DHX35: variants seen among roughly 807,000 people sequenced by gnomAD.
The protein encoded by DHX35 is DEAH-box helicase 35.
DHX35 carries 84 observed loss-of-function variants against 99.6 expected under a neutral mutation model. The observed-to-expected ratio is 0.84, with a 90% CI of 0.71 to 1.01. DHX35 has a LOEUF of 1.01. DHX35 is among the 50% of genes least tolerant of loss of function. The pLI, the probability that DHX35 is intolerant of heterozygous loss-of-function variation, is 0.00. For missense variants in DHX35, 852 were observed against 888.5 expected (o/e 0.96, Z 0.52); for synonymous variants, 331 against 316.2 (o/e 1.05, Z -0.50).
At chr20:38,964,592 A>AG (rs1247275918) in intron 1 of DHX35, among the ~76,000 whole-genome samples, 2 of 152,034 alleles carry the variant, frequency 1.3e-5, no homozygotes, top group Admixed American at 1.3e-4. Flanking sequence ...CACCACACCT[A>AG]GCTAATTTTT....
At chr20:38,968,121 C>G (rs1427356955) in intron 1 of DHX35, among the ~76,000 whole-genome samples, 2 of 152,168 alleles carry the variant, frequency 1.3e-5, no homozygotes, top group Non-Finnish European at 2.9e-5. Context: ...GTTTCTAGTG[C>G]TTAGAGTGGT....
At chr20:38,971,175 A>G (rs59337378) in intron 2 of DHX35, among the ~76,000 whole-genome samples, 3,149 of 152,252 alleles carry the variant, frequency 0.021, 116 homozygotes, top group African/African-American at 0.072. Flanking sequence ...AAACATGGTG[A>G]AACCCCATCT....
intron 8 of DHX35, among the ~76,000 whole-genome samples, chr20:38,997,132 G>A (rs1047136482): frequency 2.6e-5 from 4 of 151,884 alleles, no homozygotes; most frequent in Non-Finnish European, 2.9e-5. Flanking sequence ...GTACAGTGGT[G>A]TGATCTCAGC....
intron 5 of DHX35, among the ~76,000 whole-genome samples, chr20:38,989,152 C>T (rs540473287): frequency 8.4e-5 from 12 of 142,978 alleles, no homozygotes; most frequent in African/African-American, 2.4e-4. Flanking sequence ...GGCTGGAGTG[C>T]GGTGGCACGA....
chr20:39,035,803 CA>C (rs2087141919), intron 21 of DHX35, among the ~76,000 whole-genome samples: 1 of 152,214 alleles, frequency 6.6e-6, no homozygotes, highest in South Asian at 2.1e-4. Flanking sequence ...CCTGCTCCAG[CA>C]AAGTCAAGGG....
At chr20:39,032,814 C>G (rs529200366) in intron 20 of DHX35, among the ~76,000 whole-genome samples, 1 of 152,140 alleles carries the variant, frequency 6.6e-6, no homozygotes, top group Non-Finnish European at 1.5e-5. Context: ...TTCTGTTTCC[C>G]TAGACCAAGG....
Position 39,002,852 on chromosome 20 carries a change from C to A in DHX35, c.836C>A (p.Ala279Glu). 3 of 1,614,132 alleles carry A rather than the reference C, an allele frequency of 1.9e-6. No homozygotes were observed. Among genetic ancestry groups the A allele is most frequent in the Non-Finnish European group, 2.5e-6 (3 of 1,179,988 alleles). Residue 279 changes from alanine (A) to glutamate (E), a missense_variant, in exon 10 of 22, where the codon GCA becomes GAA. Ala to Glu is a moderately radical substitution (Grantham distance 107, BLOSUM62 -1). Transcript: ENST00000252011. ...HQTEGDGDVL[A>E]FLTGQEEVET... ...ACAGAGGGAGACGGAGACGTTTTAG[C>A]ATTTCTTACTGGCCAGGTAATGCCA...
intron 13 of DHX35, 106 bp from the exon 14 acceptor site, chr20:39,014,774 A>G: frequency 7.5e-7 from 1 of 1,338,796 alleles, no homozygotes; most frequent in East Asian, 2.3e-5. Context: ...GGCTGGGAAG[A>G]ATGGGGCATG....
intron 4 of DHX35, among the ~76,000 whole-genome samples, 190 bp downstream of exon 4, chr20:38,983,966 A>G (rs998278546): frequency 1.1e-4 from 17 of 151,930 alleles, no homozygotes; most frequent in Admixed American, 3.9e-4. Flanking sequence ...CTGGGGTGCA[A>G]TGGAGCTATC....
chr20:39,034,108 G>C, intron 20 of DHX35, 98 bp from the exon 21 acceptor site: 1 of 852,316 alleles, frequency 1.2e-6, no homozygotes, highest in African/African-American at 1.6e-5. Context: ...ACATAGAGTA[G>C]AACCTGTTAA....
Position 39,038,583 on chromosome 20 carries a change from C to T in DHX35, c.*40C>T, listed in dbSNP as rs1289241898. On this transcript the variant is annotated 3_prime_UTR_variant, in exon 22 of 22. Transcript: ENST00000252011. ...TACAGCTGCAGGGACTGCTGGCGTCCTCTCCTCCATGCTGCTGCCCCTGGT... is the reference window on the plus strand; with the variant it reads ...TACAGCTGCAGGGACTGCTGGCGTCTTCTCCTCCATGCTGCTGCCCCTGGT... 6.3e-7 allele frequency: 1 copy of T among 1,597,888 alleles called. No homozygotes were observed. Among genetic ancestry groups the T allele is most frequent in the Non-Finnish European group, 8.5e-7 (1 of 1,174,804 alleles).
At chr20:39,008,298 G>C (rs1166715671) in intron 12 of DHX35, among the ~76,000 whole-genome samples, 1 of 152,192 alleles carries the variant, frequency 6.6e-6, no homozygotes, top group Non-Finnish European at 1.5e-5. Flanking sequence ...GGACATTTGG[G>C]CTGTTTTTGC....
At chr20:39,008,076 A>G (rs2086647250) in intron 12 of DHX35, among the ~76,000 whole-genome samples, 1 of 152,240 alleles carries the variant, frequency 6.6e-6, no homozygotes, top group Non-Finnish European at 1.5e-5. Context: ...GTCCCTGGAA[A>G]TCACCAACCT....
chr20:39,010,356 G>A lies in DHX35; in HGVS notation c.1299G>A (p.Gln433=), dbSNP rs1483582769. 4 of 1,614,040 alleles carry A rather than the reference G, an allele frequency of 2.5e-6. No homozygotes were observed. In the East Asian group the frequency reaches 8.9e-5, roughly 36 times the overall value. Residue 433 remains glutamine (Q), a synonymous_variant, in exon 13 of 22, where the codon CAG becomes CAA. Transcript: ENST00000252011. ...GTAATTTGGCACCTGTCATCCTGCAGCTGAAAGCACTAGGAATTGACAATG... is the reference window on the plus strand; with the variant it reads ...GTAATTTGGCACCTGTCATCCTGCAACTGAAAGCACTAGGAATTGACAATG... ...QRSNLAPVIL[Q]LKALGIDNVL... is the part of the protein sequence containing the mutation.
At chr20:38,994,936 A>C (rs143097884) in intron 8 of DHX35, 56 bp downstream of exon 8, 2 of 1,495,132 alleles carry the variant, frequency 1.3e-6, no homozygotes, top group Non-Finnish European at 1.9e-6. Flanking sequence ...TGTCCTATAT[A>C]TCCTTGGGAA....
At chr20:38,997,606 T>C (rs1349930153) in intron 8 of DHX35, among the ~76,000 whole-genome samples, 22 of 152,120 alleles carry the variant, frequency 1.4e-4, no homozygotes, top group Admixed American at 1.4e-3. Context: ...TTCCTTCTTA[T>C]CCTGTCCTTG....
intron 13 of DHX35, among the ~76,000 whole-genome samples, chr20:39,012,466 A>G (rs1022669694): frequency 6.6e-6 from 1 of 152,180 alleles, no homozygotes; most frequent in Non-Finnish European, 1.5e-5. Context: ...TCATTAGGAC[A>G]TGTTGAGCTT....
At chr20:38,988,540 G>A (rs2086283371) in intron 4 of DHX35, among the ~76,000 whole-genome samples, 2 of 152,142 alleles carry the variant, frequency 1.3e-5, no homozygotes, top group Admixed American at 1.3e-4. Flanking sequence ...TGAGGCAGGA[G>A]GATTGCTTGA....
At chr20:39,018,950 G>C in intron 15 of DHX35, 51 bp downstream of exon 15, 1 of 1,582,774 alleles carries the variant, frequency 6.3e-7, no homozygotes, top group African/African-American at 1.3e-5. Context: ...TGTCAGAGGT[G>C]TTGTTTGCCT....
Sources: gnomAD v4.1 joint callset for allele counts (sites outside exome capture counted in the v4.1 genomes callset) on GRCh38, gnomAD v4.1.1 for gene constraint, MANE v1.5 for transcripts, NCBI Gene and HGNC (gene_info 2026-07-23, HGNC 2026-07-21) for gene names.